Variants in NRK observed in about 807,000 individuals in gnomAD.
The protein encoded by NRK is nik-related protein kinase.
NRK carries 67 observed loss-of-function variants against 125.2 expected under a neutral mutation model. The observed-to-expected ratio is 0.54, with a 90% CI of 0.44 to 0.66. NRK has a LOEUF of 0.66. NRK is among the 30% of genes least tolerant of loss of function. The pLI is 0.00. For missense variants in NRK, 1,224 were observed against 1,192.9 expected (o/e 1.03, Z -0.38); for synonymous variants, 458 against 429.0 (o/e 1.07, Z -0.84).
intron 2 of NRK, among the ~76,000 whole-genome samples, chrX:105,843,977 C>CTGTGTGTGTGTGTGTG (rs751188822): frequency 1.1e-5 from 1 of 87,389 alleles, no homozygotes; most frequent in African/African-American, 4.5e-5. Context: ...GTCCTGCACT[C>CTGTGTGTGTGTGTGTG]TGTGTGTGTG....
Position 105,893,864 on chromosome X carries a change from C to T in NRK, c.411C>T (p.Val137=). The T allele has an allele frequency of 8.3e-7, 1 of 1,200,389 alleles. No homozygotes were observed. Among genetic ancestry groups the T allele is most frequent in the Non-Finnish European group, 1.1e-6 (1 of 885,690 alleles). The change falls in exon 6 of 29, where the codon GTC becomes GTT. Residue 137 remains valine, a synonymous_variant. Coordinates refer to ENST00000243300, the MANE Select transcript of NRK (RefSeq NM_198465.4). Reference sequence around the variant, plus strand: ...TGGAGTTATGTGCAGCAGGTTCGGTCACTGATGTAGTGAGAATGACCAGTA... The same window carrying T: ...TGGAGTTATGTGCAGCAGGTTCGGTTACTGATGTAGTGAGAATGACCAGTA... The part of the protein sequence containing the change: ...MVMELCAAGS[V]TDVVRMTSNQ...
rs765655730 is a variant in NRK, at chrX:105,939,906, A to G, written c.3832A>G (p.Thr1278Ala). ...HKNRLRVYHL[T>A]WLRNKILNND... ...GAACAGACTTCGGGTGTATCATCTG[A>G]CCTGGTTGAGGAACAAGATTTTGAA... Residue 1278 changes from threonine (T) to alanine (A), a missense_variant, in exon 23 of 29, where the codon ACC becomes GCC. Coordinates refer to ENST00000243300, the MANE Select transcript of NRK (RefSeq NM_198465.4). 8.4e-7 allele frequency: 1 copy of G among 1,190,876 alleles called. No homozygotes were observed. Among genetic ancestry groups the G allele is most frequent in the Non-Finnish European group, 1.1e-6 (1 of 878,278 alleles).
intron 2 of NRK, among the ~76,000 whole-genome samples, chrX:105,877,314 A>G (rs955998947): frequency 8.9e-6 from 1 of 111,933 alleles, no homozygotes; most frequent in Non-Finnish European, 1.9e-5. Flanking sequence ...TTAAGAAGAC[A>G]TGATAGCTAA....
rs1033327615 is a variant in NRK, at chrX:105,842,377, C to T, written c.123+11258C>T. 2.7e-5 allele frequency among the ~76,000 whole-genome samples: 3 copies of T among 111,421 alleles called. No individual in the cohort carries two copies. In the Admixed American group the frequency reaches 2.9e-4, roughly 11 times the overall value. On this transcript the variant is annotated intron_variant, in intron 2 of 28. Coordinates refer to ENST00000243300, the MANE Select transcript of NRK (RefSeq NM_198465.4). ...CCATGAGAAGGTAGAGAAGTACTTA[C>T]TGTCAACCTCTTCACTCTCTTCTTG...
At chrX:105,858,749 T>C (rs192595627) in intron 2 of NRK, among the ~76,000 whole-genome samples, 1 of 111,315 alleles carries the variant, frequency 9.0e-6, no homozygotes, top group Non-Finnish European at 1.9e-5. Context: ...ATAAATCATC[T>C]ATCACAAAAA....
At chrX:105,914,881 T>C (rs753490111) in intron 14 of NRK, among the ~76,000 whole-genome samples, 1 of 104,438 alleles carries the variant, frequency 9.6e-6, no homozygotes, top group Admixed American at 1.1e-4. Flanking sequence ...GACTGCCTTA[T>C]TGCATGTCAG....
chrX:105,835,751 G>T (rs777648020), intron 2 of NRK, among the ~76,000 whole-genome samples: 4 of 109,587 alleles, frequency 3.7e-5, no homozygotes, highest in Non-Finnish European at 5.7e-5. Flanking sequence ...AAAGGAACTG[G>T]ACCTGGTTTC....
At chrX:105,927,359 C>G (rs1268733418) in intron 19 of NRK, among the ~76,000 whole-genome samples, 2 of 111,457 alleles carry the variant, frequency 1.8e-5, no homozygotes, top group Admixed American at 1.9e-4. Context: ...ATTTGTTCAT[C>G]AATTCTAAGA....
chrX:105,953,163 G>T lies in NRK; in HGVS notation c.4643G>T (p.Arg1548Leu). The change falls in exon 28 of 29, where the codon CGG becomes CTG. Residue 1548 changes from arginine (R) to leucine (L), a missense_variant. Transcript: ENST00000243300. ...SIKKLRFLCT[R>L]GDKLFFTSTL... is the part of the protein sequence containing the mutation. ...AAGAAGCTGAGATTCCTGTGCACCC[G>T]GGGTGACAAGGTATAGCTTACACCC... 8.4e-7 allele frequency: 1 copy of T among 1,184,034 alleles called. No homozygotes were observed. The highest frequency in any genetic ancestry group is 1.1e-6 in the Non-Finnish European group (1 of 878,134).
intron 2 of NRK, among the ~76,000 whole-genome samples, chrX:105,864,082 A>G (rs765233431): frequency 1.8e-4 from 20 of 112,470 alleles, no homozygotes; most frequent in South Asian, 1.1e-3. Context: ...TTCTATTGCT[A>G]TGACTTTATT....
At chrX:105,928,366 G>A (rs1215635466) in intron 19 of NRK, among the ~76,000 whole-genome samples, 2 of 110,414 alleles carry the variant, frequency 1.8e-5, no homozygotes, top group African/African-American at 6.6e-5. Flanking sequence ...TTTTATTTGG[G>A]TCTTTTATAC....
intron 16 of NRK, 63 bp from the exon 17 acceptor site, chrX:105,921,901 T>A: frequency 1.9e-6 from 1 of 527,977 alleles, no homozygotes; most frequent in Non-Finnish European, 3.3e-6. Flanking sequence ...ACTGATACAC[T>A]ATACATATGA....
intron 2 of NRK, among the ~76,000 whole-genome samples, chrX:105,868,045 T>A (rs2039695011): frequency 9.0e-6 from 1 of 111,516 alleles, no homozygotes; most frequent in Non-Finnish European, 1.9e-5. Context: ...ATATTAAAAA[T>A]TCCTTAAAAA....
At chrX:105,931,425 G>A (rs756719893) in intron 19 of NRK, among the ~76,000 whole-genome samples, 55 of 111,742 alleles carry the variant, frequency 4.9e-4, no homozygotes, top group African/African-American at 1.7e-3. Context: ...TGAATTTCAG[G>A]CACCTTCCCA....
intron 2 of NRK, among the ~76,000 whole-genome samples, chrX:105,850,389 T>C (rs2147665251): frequency 8.9e-6 from 1 of 111,944 alleles, no homozygotes; most frequent in South Asian, 3.8e-4. Context: ...TGAAGGTCTC[T>C]GACATGGCCT....
chrX:105,838,710 T>G (rs2039295665), intron 2 of NRK, among the ~76,000 whole-genome samples: 2 of 110,197 alleles, frequency 1.8e-5, no homozygotes, highest in South Asian at 8.1e-4. Flanking sequence ...CACCCCAAGT[T>G]TCTTATTGTT....
intron 4 of NRK, among the ~76,000 whole-genome samples, chrX:105,886,144 C>A (rs760833808): frequency 9.1e-6 from 1 of 109,696 alleles, no homozygotes; most frequent in East Asian, 2.9e-4. Context: ...ATAGATAATT[C>A]TCAGAAACAA....
intron 7 of NRK, among the ~76,000 whole-genome samples, chrX:105,895,834 T>C (rs2040075359): frequency 8.9e-6 from 1 of 112,025 alleles, no homozygotes; most frequent in Admixed American, 9.5e-5. Context: ...ATTTCAACAA[T>C]TGAATTGAGT....
chrX:105,909,518 C>A lies in NRK; in HGVS notation c.1877C>A (p.Thr626Lys), dbSNP rs1160019887. The change falls in exon 13 of 29, where the codon ACA becomes AAA. Residue 626 changes from threonine (T) to lysine (K), a missense_variant. Coordinates refer to ENST00000243300, the MANE Select transcript of NRK (RefSeq NM_198465.4). ...TEGSPQAQAWTLEPPQAIGSV... is the reference protein window; with the variant it reads ...TEGSPQAQAWKLEPPQAIGSV... ...GGATCACCTCAGGCACAGGCTTGGACACTAGAACCCCCACAGGCAATTGGC... is the reference window on the plus strand; with the variant it reads ...GGATCACCTCAGGCACAGGCTTGGAAACTAGAACCCCCACAGGCAATTGGC... 8.3e-7 allele frequency: 1 copy of A among 1,210,540 alleles called. No individual in the cohort carries two copies. The highest frequency in any genetic ancestry group is 3.0e-5 in the East Asian group (1 of 33,699).
Sources: gnomAD v4.1 joint callset for allele counts (sites outside exome capture counted in the v4.1 genomes callset) on GRCh38, gnomAD v4.1.1 for gene constraint, MANE v1.5 for transcripts, NCBI Gene and HGNC (gene_info 2026-07-23, HGNC 2026-07-21) for gene names.